Variants in COG2 observed in about 807,000 individuals in gnomAD.
The protein encoded by COG2 is component of oligomeric golgi complex 2.
A neutral mutation model predicts 90.6 loss-of-function variants in COG2; 52 were observed. The ratio of observed to expected loss-of-function variants is 0.57; its 90% CI spans 0.46 to 0.72. The LOEUF is 0.72. Among genes scored for constraint, COG2 ranks in the 30% least tolerant of loss-of-function variants. COG2 has a pLI of 0.00. For missense variants in COG2, 829 were observed against 891.2 expected (o/e 0.93, Z 0.89); for synonymous variants, 337 against 320.4 (o/e 1.05, Z -0.55).
At chr1:230,647,947 TAAAG>T (rs1340103230) in intron 1 of COG2, among the ~76,000 whole-genome samples, 1 of 152,226 alleles carries the variant, frequency 6.6e-6, no homozygotes, top group African/African-American at 2.4e-5. Context: ...AGTTTGCAGA[TAAAG>T]AAACTGAGGT....
chr1:230,678,171 C>A (rs930681579), intron 9 of COG2: 2 of 985,152 alleles, frequency 2.0e-6, no homozygotes, highest in African/African-American at 3.5e-5. Context: ...AATAAAGTAC[C>A]CACAAAAGCA....
At chr1:230,665,252 C>A (rs1439353737) in intron 5 of COG2, among the ~76,000 whole-genome samples, 2 of 152,156 alleles carry the variant, frequency 1.3e-5, no homozygotes, top group Non-Finnish European at 2.9e-5. Context: ...AGTCAGGTTA[C>A]TTCACTCTGT....
At chr1:230,642,818 G>T (rs1661658777) in intron 1 of COG2, 140 bp downstream of exon 1, 4 of 738,254 alleles carry the variant, frequency 5.4e-6, no homozygotes, top group Admixed American at 3.0e-5. Flanking sequence ...GCTGCACTTC[G>T]CAATGAGTCT....
intron 6 of COG2, chr1:230,669,087 G>A (rs1662386831): frequency 2.2e-6 from 1 of 451,514 alleles, no homozygotes. Context: ...AATCCATGAT[G>A]TTTCCTCAAG....
At chr1:230,693,096 A>C (rs1178319117) in intron 17 of COG2, among the ~76,000 whole-genome samples, 196 bp from the exon 18 acceptor site, 1 of 152,092 alleles carries the variant, frequency 6.6e-6, no homozygotes, top group Non-Finnish European at 1.5e-5. Flanking sequence ...GGCTTCTTAG[A>C]ATGCTAAGTG....
In COG2 at chr1:230,679,016, A is replaced by G. The variant is rs770610327; in HGVS notation, c.1130A>G (p.Asn377Ser). The G allele has an allele frequency of 1.8e-5, 29 of 1,613,518 alleles. No homozygotes were observed. The highest frequency in any genetic ancestry group is 2.4e-5 in the Non-Finnish European group (28 of 1,179,594). ...GCCCATCCTGCCTATCACAGCTTCAATAAGAAGTGGAACTTGCCTGTTTAT... is the reference window on the plus strand; with the variant it reads ...GCCCATCCTGCCTATCACAGCTTCAGTAAGAAGTGGAACTTGCCTGTTTAT... ...LRAHPAYHSF[N>S]KKWNLPVYFQ... Residue 377 changes from asparagine (N) to serine (S), a missense_variant, in exon 10 of 18, where the codon AAT becomes AGT. Physicochemically the swap from Asn to Ser is conservative, Grantham distance 46. Coordinates refer to ENST00000366669, the MANE Select transcript of COG2 (RefSeq NM_007357.3).
At chr1:230,650,119 C>T (rs897661821) in intron 1 of COG2, among the ~76,000 whole-genome samples, 2 of 152,114 alleles carry the variant, frequency 1.3e-5, no homozygotes, top group Middle Eastern at 3.2e-3. Flanking sequence ...TCCAATCCTC[C>T]GTTGATAGAC....
chr1:230,673,115 T>C (rs1662493921), intron 8 of COG2, among the ~76,000 whole-genome samples: 2 of 152,198 alleles, frequency 1.3e-5, no homozygotes, highest in African/African-American at 4.8e-5. Flanking sequence ...AATCATGATG[T>C]AAAATGAAGC....
intron 9 of COG2, among the ~76,000 whole-genome samples, chr1:230,677,088 T>G (rs180917637): frequency 2.0e-5 from 3 of 152,166 alleles, no homozygotes; most frequent in Non-Finnish European, 2.9e-5. Context: ...CAATTGTGCT[T>G]TTCTTTCATT....
At chr1:230,650,377 C>A (rs554084888) in intron 1 of COG2, among the ~76,000 whole-genome samples, 13 of 152,154 alleles carry the variant, frequency 8.5e-5, no homozygotes, top group African/African-American at 2.6e-4. Context: ...TGTTTTTTGA[C>A]TTTTTAATAA....
chr1:230,682,394 C>G (rs1021844742), intron 10 of COG2: 5 of 152,324 alleles, frequency 3.3e-5, no homozygotes, highest in African/African-American at 1.2e-4. Context: ...CCAGTGCTCT[C>G]TTATCCCACT....
At chr1:230,667,409 T>C (rs1662345918) in intron 5 of COG2, among the ~76,000 whole-genome samples, 1 of 152,154 alleles carries the variant, frequency 6.6e-6, no homozygotes, top group Admixed American at 6.5e-5. Flanking sequence ...TCTTATATTA[T>C]TGTATTATAT....
intron 17 of COG2, among the ~76,000 whole-genome samples, chr1:230,692,371 A>T (rs918127153): frequency 1.3e-5 from 2 of 152,176 alleles, no homozygotes; most frequent in Admixed American, 1.3e-4. Context: ...AAAAGCAGTC[A>T]AAACAAGACA....
intron 9 of COG2, among the ~76,000 whole-genome samples, chr1:230,676,337 T>G (rs1343815942): frequency 1.3e-5 from 2 of 152,190 alleles, no homozygotes; most frequent in East Asian, 3.8e-4. Context: ...TTATTCCATT[T>G]TGTCCCCTCT....
intron 1 of COG2, among the ~76,000 whole-genome samples, chr1:230,651,009 A>G (rs1454676078): frequency 6.6e-6 from 1 of 152,208 alleles, no homozygotes; most frequent in African/African-American, 2.4e-5. Context: ...ACAGACATAC[A>G]GGAGCTTATA....
At position 230,693,801 on chromosome 1, in the gene COG2, T is replaced by G. The variant is rs539153081; in HGVS notation, c.*408T>G. 6.5e-6 allele frequency: 1 copy of G among 153,336 alleles called. No homozygotes were observed. Among genetic ancestry groups the G allele is most frequent in the African/African-American group, 2.4e-5 (1 of 41,596 alleles). 9.5% of individuals were successfully genotyped at this position (153,336 alleles called of 1,614,324 possible). On this transcript the variant is annotated 3_prime_UTR_variant, in exon 18 of 18. Transcript: ENST00000366669. ...GACTGTAATGGAATGATGTCTTGTA[T>G]AGAAATGCCCTTCTCTGAAATAAAG...
chr1:230,691,724 C>G (rs946878089), intron 17 of COG2, 160 bp downstream of exon 17: 5 of 641,984 alleles, frequency 7.8e-6, no homozygotes, highest in African/African-American at 5.5e-5. Context: ...AATTACTTTG[C>G]CCCTAGGCAG....
intron 11 of COG2, chr1:230,684,184 G>T (rs1251783718): frequency 2.0e-5 from 3 of 152,372 alleles, no homozygotes; most frequent in African/African-American, 7.2e-5. Context: ...TAAGAATATA[G>T]GAAACAGACC....
At chr1:230,670,269 C>G (rs1455608346) in intron 7 of COG2, 1 of 152,214 alleles carries the variant, frequency 6.6e-6, no homozygotes, top group Non-Finnish European at 1.5e-5. Flanking sequence ...ACAAAAACAG[C>G]AGCTTTGTCT....
Sources: gnomAD v4.1 joint callset for allele counts (sites outside exome capture counted in the v4.1 genomes callset) on GRCh38, gnomAD v4.1.1 for gene constraint, MANE v1.5 for transcripts, NCBI Gene and HGNC (gene_info 2026-07-23, HGNC 2026-07-21) for gene names.